The following CDC42BPB variants were observed in gnomAD, a reference collection of about 807,000 sequenced individuals.
CDC42BPB encodes the protein serine/threonine-protein kinase MRCK beta.
A neutral mutation model predicts 214.9 loss-of-function variants in CDC42BPB; 37 were observed. That is an observed-to-expected ratio of 0.17 (90% CI 0.13 to 0.23). The LOEUF (loss-of-function observed/expected upper bound fraction) is 0.23. Among genes scored for constraint, CDC42BPB ranks in the 10% least tolerant of loss-of-function variants. The pLI is 1.00. For missense variants in CDC42BPB, 1,694 were observed against 2,227.0 expected (o/e 0.76, Z 4.82); for synonymous variants, 931 against 884.0 (o/e 1.05, Z -0.94).
In CDC42BPB at chr14:102,974,152, G is replaced by A; in HGVS notation, c.1508-3C>T. ...CTGTCGCTCGAGCCTGTTTGAATCTGGACAAAAGAGGAAATAAACTCTGTT... is the reference window on the plus strand; with the variant it reads ...CTGTCGCTCGAGCCTGTTTGAATCTAGACAAAAGAGGAAATAAACTCTGTT... On this transcript the variant is annotated splice_region_variant and splice_polypyrimidine_tract_variant and intron_variant, in intron 11 of 36. Transcript: ENST00000361246. 2 of 1,612,624 alleles carry A rather than the reference G, an allele frequency of 1.2e-6. No individual in the cohort carries two copies. The highest frequency in any genetic ancestry group is 1.7e-6 in the Non-Finnish European group (2 of 1,179,538).
chr14:102,946,890 C>T (rs577323125), intron 27 of CDC42BPB: 2 of 985,144 alleles, frequency 2.0e-6, no homozygotes, highest in Non-Finnish European at 2.4e-6. Flanking sequence ...TAAACAGCCC[C>T]GTGAGATCGC....
At position 102,991,925 on chromosome 14, in the gene CDC42BPB, A is replaced by T. The variant is rs148647762; in HGVS notation, c.597-5345T>A. ...CTCACTGTCTAACATGGTAGCCCCT[A>T]GCCACAGAGGGCTATTCAAACTCAA... On this transcript the variant is annotated intron_variant, in intron 5 of 36. Coordinates refer to ENST00000361246, the MANE Select transcript of CDC42BPB (RefSeq NM_006035.4). 2.0e-5 allele frequency among the ~76,000 whole-genome samples: 3 copies of T among 152,374 alleles called. No individual in the cohort carries two copies. In the South Asian group the frequency reaches 6.2e-4, roughly 32 times the overall value.
At chr14:103,020,546 G>T (rs980658777) in intron 1 of CDC42BPB, among the ~76,000 whole-genome samples, 1 of 152,220 alleles carries the variant, frequency 6.6e-6, no homozygotes, top group Non-Finnish European at 1.5e-5. Context: ...GGATGTGTGC[G>T]AGGGCCCAGG....
chr14:102,972,411 G>T, intron 12 of CDC42BPB: 3 of 832,710 alleles, frequency 3.6e-6, no homozygotes, highest in Non-Finnish European at 4.3e-6. Flanking sequence ...CACAGGCCGG[G>T]CACAGTGGCT....
intron 1 of CDC42BPB, among the ~76,000 whole-genome samples, chr14:103,044,124 A>T (rs2139758340): frequency 6.6e-6 from 1 of 152,364 alleles, no homozygotes; most frequent in South Asian, 2.1e-4. Context: ...TTTTAAAGGT[A>T]CATCAGAAAG....
intron 1 of CDC42BPB, among the ~76,000 whole-genome samples, chr14:103,021,674 A>G (rs567316839): frequency 0.018 from 1,147 of 64,204 alleles, 12 homozygotes; most frequent in Middle Eastern, 0.066. Context: ...AGCAAGACCT[A>G]GTCTCAAAAA....
intron 1 of CDC42BPB, among the ~76,000 whole-genome samples, chr14:103,052,908 C>T (rs1888688875): frequency 6.6e-6 from 1 of 152,176 alleles, no homozygotes; most frequent in African/African-American, 2.4e-5. Context: ...ACACATAAGA[C>T]AGTATTTGTA....
intron 1 of CDC42BPB, among the ~76,000 whole-genome samples, chr14:103,030,862 CT>C (rs1334372787): frequency 6.6e-6 from 1 of 152,032 alleles, no homozygotes; most frequent in Non-Finnish European, 1.5e-5. Flanking sequence ...TGGCATGCAC[CT>C]ACAGTCCCAG....
chr14:102,945,174 A>G (rs1196932271), intron 29 of CDC42BPB: 4 of 452,566 alleles, frequency 8.8e-6, no homozygotes, highest in African/African-American at 2.0e-5. Flanking sequence ...TATGGCTCAC[A>G]TGAAATGTCG....
chr14:103,050,963 A>G (rs1888571128), intron 1 of CDC42BPB, among the ~76,000 whole-genome samples: 1 of 152,140 alleles, frequency 6.6e-6, no homozygotes, highest in African/African-American at 2.4e-5. Flanking sequence ...AATTCCTAAG[A>G]AAAACAAAAA....
intron 1 of CDC42BPB, among the ~76,000 whole-genome samples, chr14:103,056,297 T>C: frequency 6.6e-6 from 1 of 152,052 alleles, no homozygotes; most frequent in Non-Finnish European, 1.5e-5. Context: ...TTGCACGGTT[T>C]ATTTAAAATA....
intron 5 of CDC42BPB, among the ~76,000 whole-genome samples, chr14:102,994,643 C>T (rs1894645489): frequency 6.6e-6 from 1 of 152,236 alleles, no homozygotes; most frequent in Non-Finnish European, 1.5e-5. Flanking sequence ...TAGGCTCCCC[C>T]AAGTGCATTT....
intron 17 of CDC42BPB, 150 bp downstream of exon 17, chr14:102,966,896 A>T: frequency 1.1e-6 from 1 of 872,106 alleles, no homozygotes; most frequent in Non-Finnish European, 1.7e-6. Context: ...CCCAGACATG[A>T]GAAGTTCTGG....
Position 102,944,276 on chromosome 14 carries a change from G to T in CDC42BPB, c.4023C>A (p.Gly1341=). The T allele has an allele frequency of 6.2e-7, 1 of 1,613,186 alleles. No homozygotes were observed. Among genetic ancestry groups the T allele is most frequent in the Non-Finnish European group, 8.5e-7 (1 of 1,180,032 alleles). The change falls in exon 30 of 37, where the codon GGC becomes GGA. Residue 1341 remains glycine (G), a synonymous_variant. Coordinates refer to ENST00000361246, the MANE Select transcript of CDC42BPB (RefSeq NM_006035.4). The surrounding 1 kb of genome is among the most constrained non-coding windows in gnomAD (Gnocchi z 6.6). ...MATATLKRNS[G]TCLFVAVKRL... ...GTTTCACGGCCACAAACAGGCAGGTGCCAGAGTTCCTCTTGAGTGTGGCCG... is the reference window on the plus strand; with the variant it reads ...GTTTCACGGCCACAAACAGGCAGGTTCCAGAGTTCCTCTTGAGTGTGGCCG...
At chr14:102,995,159 GTGA>G (rs1894669497) in intron 5 of CDC42BPB, among the ~76,000 whole-genome samples, 1 of 151,424 alleles carries the variant, frequency 6.6e-6, no homozygotes, top group South Asian at 2.1e-4. Flanking sequence ...CTTTAGGGAT[GTGA>G]TGTTCTCTCT....
Position 102,975,868 on chromosome 14 carries a change from C to G in CDC42BPB, c.1387+15G>C, listed in dbSNP as rs775356177. On this transcript the variant is annotated intron_variant, in intron 10 of 36. Transcript: ENST00000361246. ...CAGCGCCCCCGCCTGGCCCCGGAGC[C>G]GGCGCTGCCCTCACCTTGCAGCTTC... 1.9e-6 allele frequency: 3 copies of G among 1,613,986 alleles called. No individual in the cohort carries two copies. The highest frequency in any genetic ancestry group is 8.5e-7 in the Non-Finnish European group (1 of 1,179,912).
At chr14:103,042,044 C>T (rs900070684) in intron 1 of CDC42BPB, 5 of 202,088 alleles carry the variant, frequency 2.5e-5, no homozygotes, top group Admixed American at 5.4e-5. Flanking sequence ...TTTGGCATAC[C>T]GGCAAAGAGA....
chr14:103,036,215 C>T (rs1478351322), intron 1 of CDC42BPB, among the ~76,000 whole-genome samples: 2 of 149,726 alleles, frequency 1.3e-5, no homozygotes, highest in African/African-American at 4.9e-5. Context: ...TGCAGTGGCG[C>T]GATCTCAGCT....
Position 103,003,912 on chromosome 14 carries a change from T to C in CDC42BPB, c.447+16A>G, listed in dbSNP as rs746263309. On this transcript the variant is annotated intron_variant, in intron 4 of 36. Coordinates refer to ENST00000361246, the MANE Select transcript of CDC42BPB (RefSeq NM_006035.4). ...GGAGCGAATGCCCTGACCGAGTCTC[T>C]GGCTGTGCGACCTACCAGGTGGTTC... 1.9e-6 allele frequency: 3 copies of C among 1,597,980 alleles called. No homozygotes were observed. The highest frequency in any genetic ancestry group is 2.6e-6 in the Non-Finnish European group (3 of 1,167,134).
Sources: allele counts gnomAD v4.1 joint callset (sites outside exome capture counted in the v4.1 genomes callset), GRCh38; gene constraint gnomAD v4.1.1; non-coding constraint Gnocchi (gnomAD v3.1); transcripts MANE v1.5; gene names NCBI Gene and HGNC (gene_info 2026-07-23, HGNC 2026-07-21).